Variants in NPAS3 observed in about 807,000 individuals in gnomAD.
The protein encoded by NPAS3 is neuronal PAS domain-containing protein 3.
A neutral mutation model predicts 73.1 loss-of-function variants in NPAS3; 14 were observed. The ratio of observed to expected loss-of-function variants is 0.19; its 90% CI spans 0.13 to 0.30. NPAS3 has a LOEUF of 0.30. Ranked by LOEUF, NPAS3 falls within the 10% of genes least tolerant of loss-of-function variation. The pLI is 1.00. For missense variants in NPAS3, 1,096 were observed against 1,250.0 expected (o/e 0.88, Z 1.86); for synonymous variants, 620 against 541.5 (o/e 1.14, Z -2.01).
intron 4 of NPAS3, among the ~76,000 whole-genome samples, chr14:33,551,458 T>A (rs957618006): frequency 1.6e-4 from 24 of 152,216 alleles, no homozygotes; most frequent in Admixed American, 1.4e-3. Flanking sequence ...ACTGTGGGTT[T>A]CCCTGCCAAC....
At chr14:33,052,911 G>A (rs1465387691) in intron 1 of NPAS3, among the ~76,000 whole-genome samples, 1 of 151,996 alleles carries the variant, frequency 6.6e-6, no homozygotes, top group Non-Finnish European at 1.5e-5. Context: ...AGTTAGTTAA[G>A]GTTTCAGTTG....
chr14:33,309,534 G>A (rs1290895840), intron 3 of NPAS3, among the ~76,000 whole-genome samples: 1 of 152,222 alleles, frequency 6.6e-6, no homozygotes, highest in Non-Finnish European at 1.5e-5. Flanking sequence ...ATAGGAGACA[G>A]TTGGTGCAGA....
At chr14:33,747,773 T>G (rs1029408108) in intron 7 of NPAS3, among the ~76,000 whole-genome samples, 2 of 152,208 alleles carry the variant, frequency 1.3e-5, no homozygotes, top group African/African-American at 4.8e-5. Context: ...CATTTACATA[T>G]CCCTTCTATC....
At chr14:32,943,073 T>C (rs2036092730) in intron 1 of NPAS3, among the ~76,000 whole-genome samples, 1 of 152,222 alleles carries the variant, frequency 6.6e-6, no homozygotes, top group Admixed American at 6.5e-5. Context: ...ATTTATGAAT[T>C]GAAAGACATA....
rs1555310808 is a variant in NPAS3 at position 32,964,184 on chromosome 14, A to AAG, written c.50+24822_50+24823dup. Among the ~76,000 whole-genome samples the AAG allele has an allele frequency of 2.3e-4, 35 of 149,658 alleles. 2 individuals carry two copies. Among genetic ancestry groups the AAG allele is most frequent in the African/African-American group, 4.7e-4 (19 of 40,392 alleles). ...CTAAAAAAAAAAAAAAAAAAAAAAA[A>AAG]AGAGAACATTAATTAATTTAGTATT... On this transcript the variant is annotated intron_variant, in intron 1 of 11. Transcript: ENST00000356141.
chr14:33,495,486 G>A (rs909218486), intron 4 of NPAS3, among the ~76,000 whole-genome samples: 1 of 152,034 alleles, frequency 6.6e-6, no homozygotes, highest in Non-Finnish European at 1.5e-5. Flanking sequence ...ATGTCTACTA[G>A]ATCCTCTTGG....
chr14:33,499,494 T>C (rs1000361635), intron 4 of NPAS3, among the ~76,000 whole-genome samples: 1 of 151,952 alleles, frequency 6.6e-6, no homozygotes, highest in African/African-American at 2.4e-5. Flanking sequence ...GTATACTTTA[T>C]ACTTTCTTCA....
intron 5 of NPAS3, among the ~76,000 whole-genome samples, chr14:33,665,772 G>T (rs1028279997): frequency 6.6e-6 from 1 of 152,060 alleles, no homozygotes; most frequent in Non-Finnish European, 1.5e-5. Context: ...TAATTCCAGA[G>T]TGTGGTTAAC....
chr14:33,364,965 G>A (rs562753295), intron 3 of NPAS3, among the ~76,000 whole-genome samples: 15 of 150,712 alleles, frequency 1.0e-4, no homozygotes, highest in Admixed American at 9.9e-4. Context: ...TTTGTAGAAT[G>A]ATTTCTGTTA....
intron 3 of NPAS3, among the ~76,000 whole-genome samples, chr14:33,249,078 T>C (rs985674833): frequency 6.6e-5 from 10 of 152,174 alleles, no homozygotes; most frequent in Non-Finnish European, 1.3e-4. Context: ...CTCAAATTGC[T>C]GACTGACATG....
intron 4 of NPAS3, among the ~76,000 whole-genome samples, chr14:33,438,929 T>G (rs1435555075): frequency 6.6e-6 from 1 of 152,236 alleles, no homozygotes; most frequent in Non-Finnish European, 1.5e-5. Context: ...TGACTGTCAG[T>G]GACATACCTA....
intron 5 of NPAS3, among the ~76,000 whole-genome samples, chr14:33,612,909 C>A (rs140691409): frequency 6.6e-6 from 1 of 151,962 alleles, no homozygotes; most frequent in African/African-American, 2.4e-5. Context: ...AATTGTTTTT[C>A]GTTTTCACTT....
chr14:33,463,016 C>T (rs1366039600), intron 4 of NPAS3, among the ~76,000 whole-genome samples: 1 of 152,110 alleles, frequency 6.6e-6, no homozygotes, highest in Admixed American at 6.5e-5. Context: ...TAACGATTTC[C>T]TTATCTTTTT....
At chr14:33,515,189 AC>A (rs1241918578) in intron 4 of NPAS3, among the ~76,000 whole-genome samples, 1 of 151,922 alleles carries the variant, frequency 6.6e-6, no homozygotes, top group African/African-American at 2.4e-5. Flanking sequence ...CTCACTTCAT[AC>A]CCCTAGGTTA....
chr14:32,939,197 C>T (rs1234357899), upstream of NPAS3: 70 of 329,296 alleles, frequency 2.1e-4, no homozygotes, highest in Non-Finnish European at 3.8e-4. Flanking sequence ...GCCCAGAGCG[C>T]CGCGCACGGC....
intron 3 of NPAS3, among the ~76,000 whole-genome samples, chr14:33,278,767 T>G (rs991077812): frequency 2.0e-5 from 3 of 152,148 alleles, no homozygotes; most frequent in African/African-American, 7.2e-5. Flanking sequence ...CTAAGTTCAG[T>G]GATATTCAAC....
intron 3 of NPAS3, among the ~76,000 whole-genome samples, chr14:33,248,779 CAGGCT>C (rs1334991176): frequency 6.6e-6 from 1 of 152,210 alleles, no homozygotes; most frequent in African/African-American, 2.4e-5. Context: ...ACCAAGCAGT[CAGGCT>C]ACAGCAAGAT....
chr14:33,248,551 T>A (rs956215434), intron 3 of NPAS3, among the ~76,000 whole-genome samples: 6 of 152,230 alleles, frequency 3.9e-5, no homozygotes, highest in African/African-American at 1.4e-4. Flanking sequence ...AGAGTCTTTC[T>A]TGCTATATCT....
intron 3 of NPAS3, among the ~76,000 whole-genome samples, chr14:33,360,097 C>G (rs1252205539): frequency 6.6e-6 from 1 of 152,206 alleles, no homozygotes; most frequent in Non-Finnish European, 1.5e-5. Flanking sequence ...CCTGCCTCGC[C>G]CAGTGGACTG....
Sources: allele counts gnomAD v4.1 joint callset (sites outside exome capture counted in the v4.1 genomes callset), GRCh38; gene constraint gnomAD v4.1.1; transcripts MANE v1.5; gene names NCBI Gene and HGNC (gene_info 2026-07-23, HGNC 2026-07-21).